VEGFD: variants seen among roughly 807,000 people sequenced by gnomAD.
The protein encoded by VEGFD is vascular endothelial growth factor D, also known as c-fos induced growth factor (vascular endothelial growth factor D).
In VEGFD, 26 loss-of-function variants were observed where a neutral mutation model predicts 28.0. The observed-to-expected ratio is 0.93, with a 90% CI of 0.68 to 1.29. VEGFD has a LOEUF of 1.29. Among genes scored for constraint, VEGFD ranks in the 50% most tolerant of loss-of-function variants. The pLI, the probability that VEGFD is intolerant of heterozygous loss-of-function variation, is 0.00. For synonymous variants in VEGFD, 93 were observed against 95.5 expected (o/e 0.97, Z 0.15); for missense variants, 294 against 273.4 (o/e 1.08, Z -0.53).
chrX:15,350,741 C>G (rs1184634686), intron 5 of VEGFD, among the ~76,000 whole-genome samples: 2 of 109,423 alleles, frequency 1.8e-5, no homozygotes, highest in Non-Finnish European at 3.8e-5. Context: ...TTCTATCCTT[C>G]CTTCCTTCCT....
At chrX:15,356,451 C>T (rs1371139339) in intron 3 of VEGFD, among the ~76,000 whole-genome samples, 2 of 112,212 alleles carry the variant, frequency 1.8e-5, no homozygotes, top group East Asian at 5.5e-4. Flanking sequence ...TACACTTACA[C>T]TTAAGTACAT....
chrX:15,353,656 C>T (rs992561109), intron 4 of VEGFD, among the ~76,000 whole-genome samples: 6 of 110,719 alleles, frequency 5.4e-5, no homozygotes, highest in African/African-American at 2.0e-4. Flanking sequence ...AGGAGAATCA[C>T]TTGAACCTGG....
At chrX:15,347,070 G>T in intron 6 of VEGFD, 94 bp downstream of exon 6, 1 of 843,147 alleles carries the variant, frequency 1.2e-6, no homozygotes, top group Non-Finnish European at 1.7e-6. Flanking sequence ...CAGGCACCAA[G>T]GGGAAAAATT....
intron 3 of VEGFD, among the ~76,000 whole-genome samples, chrX:15,357,508 G>A (rs189399318): frequency 1.8e-5 from 2 of 111,484 alleles, no homozygotes; most frequent in African/African-American, 6.5e-5. Context: ...GTCGAAGGGT[G>A]GGGAAATCTC....
intron 1 of VEGFD, among the ~76,000 whole-genome samples, chrX:15,383,221 C>T (rs143991906): frequency 8.9e-6 from 1 of 112,121 alleles, no homozygotes; most frequent in Non-Finnish European, 1.9e-5. Context: ...ATTGTTCCAG[C>T]AGTCAGCAAC....
chrX:15,366,913 A>C (rs1230890535), intron 1 of VEGFD, among the ~76,000 whole-genome samples: 1 of 112,471 alleles, frequency 8.9e-6, no homozygotes, highest in Non-Finnish European at 1.9e-5. Context: ...GCCATCATTC[A>C]ATCAATTTTA....
intron 3 of VEGFD, among the ~76,000 whole-genome samples, chrX:15,356,751 A>AT (rs901199993): frequency 2.4e-4 from 26 of 110,012 alleles, no homozygotes; most frequent in South Asian, 1.2e-3. Flanking sequence ...TACTTGGGTC[A>AT]TTTTTTTTTC....
chrX:15,347,398 G>C (rs1309016611), intron 5 of VEGFD, 39 bp from the exon 6 acceptor site: 1 of 1,072,040 alleles, frequency 9.3e-7, no homozygotes, highest in African/African-American at 1.9e-5. Context: ...GATAGTTGTA[G>C]TGTGGCAATT....
chrX:15,364,558 G>A (rs943162545), intron 1 of VEGFD, among the ~76,000 whole-genome samples: 1 of 112,275 alleles, frequency 8.9e-6, no homozygotes, highest in African/African-American at 3.2e-5. Context: ...TTCCTGGAAT[G>A]TGCTGGAGAA....
At chrX:15,358,243 G>T in intron 2 of VEGFD, 50 bp from the exon 3 acceptor site, 3 of 1,064,175 alleles carry the variant, frequency 2.8e-6, no homozygotes, top group Non-Finnish European at 3.8e-6. Flanking sequence ...AATGGTCCTG[G>T]TGTGCCAACA....
chrX:15,346,917 G>A (rs1180981656), intron 6 of VEGFD, among the ~76,000 whole-genome samples: 2 of 106,535 alleles, frequency 1.9e-5, no homozygotes, highest in Admixed American at 1.0e-4. Context: ...GAGACAGAGC[G>A]AGACTCCGTC....
At chrX:15,352,412 A>C (rs1922755306) in intron 5 of VEGFD, among the ~76,000 whole-genome samples, 1 of 110,756 alleles carries the variant, frequency 9.0e-6, no homozygotes, top group Admixed American at 9.6e-5. Context: ...CCAAAGTCAC[A>C]GAATTACGGA....
intron 2 of VEGFD, among the ~76,000 whole-genome samples, chrX:15,362,850 C>T (rs1344592046): frequency 9.0e-6 from 1 of 111,612 alleles, no homozygotes; most frequent in Non-Finnish European, 1.9e-5. Flanking sequence ...GTTTTCTTTG[C>T]CCCCACATCC....
At chrX:15,376,725 A>G (rs1229146424) in intron 1 of VEGFD, among the ~76,000 whole-genome samples, 2 of 111,889 alleles carry the variant, frequency 1.8e-5, no homozygotes. Context: ...AATCATCCCT[A>G]GTCTTGCTGT....
intron 3 of VEGFD, among the ~76,000 whole-genome samples, chrX:15,356,186 A>G (rs1416850706): frequency 8.9e-6 from 1 of 112,054 alleles, no homozygotes; most frequent in Non-Finnish European, 1.9e-5. Context: ...TTACAGGTGA[A>G]GAAACAGATG....
chrX:15,382,076 T>C (rs1287451898), intron 1 of VEGFD, among the ~76,000 whole-genome samples: 1 of 111,476 alleles, frequency 9.0e-6, no homozygotes, highest in Admixed American at 9.5e-5. Flanking sequence ...ATCCCAGCAC[T>C]ATGGGAGGCC....
intron 1 of VEGFD, among the ~76,000 whole-genome samples, chrX:15,373,594 C>T (rs1001122473): frequency 1.8e-5 from 2 of 111,564 alleles, no homozygotes; most frequent in Non-Finnish European, 3.8e-5. Context: ...ATGGAAGGGA[C>T]ACATTTTACA....
chrX:15,358,080 C>T lies in VEGFD; in HGVS notation c.415G>A (p.Val139Met), dbSNP rs368920847. ...TTGCAACAGCCACCACATCGGAACACGTTCACACAAGGGGGCTTGAAGAAT... is the reference window on the plus strand; with the variant it reads ...TTGCAACAGCCACCACATCGGAACATGTTCACACAAGGGGGCTTGAAGAAT... ...NTFFKPPCVN[V>M]FRCGGCCNEE... The change falls in exon 3 of 7, where the codon GTG (valine) becomes ATG (methionine). Residue 139 changes from valine to methionine, a missense_variant. Transcript: ENST00000297904. 9 of 1,209,998 alleles carry T rather than the reference C, an allele frequency of 7.4e-6. 1 individual carries two copies. The highest frequency in any genetic ancestry group is 8.9e-6 in the Non-Finnish European group (8 of 895,157).
At chrX:15,367,727 G>A (rs1923179816) in intron 1 of VEGFD, among the ~76,000 whole-genome samples, 1 of 109,975 alleles carries the variant, frequency 9.1e-6, no homozygotes, top group African/African-American at 3.3e-5. Context: ...AAGCCGAGGT[G>A]GGAGGATTGC....
Sources: gnomAD v4.1 joint callset for allele counts (sites outside exome capture counted in the v4.1 genomes callset) on GRCh38, gnomAD v4.1.1 for gene constraint, MANE v1.5 for transcripts, NCBI Gene and HGNC (gene_info 2026-07-23, HGNC 2026-07-21) for gene names.